ST8SIA4: variants seen among roughly 807,000 people sequenced by gnomAD.
ST8SIA4 encodes the protein CMP-N-acetylneuraminate-poly-alpha-2,8-sialyltransferase.
Under a neutral mutation model 33.9 loss-of-function variants are expected in ST8SIA4, and 15 were observed. That is an observed-to-expected ratio of 0.44 (90% CI 0.30 to 0.68). The LOEUF (loss-of-function observed/expected upper bound fraction) is 0.68, where lower values mean the gene tolerates loss of function less well. Among genes scored for constraint, ST8SIA4 ranks in the 30% least tolerant of loss-of-function variants. ST8SIA4 has a pLI of 0.10. For synonymous variants in ST8SIA4, 171 were observed against 151.2 expected, an observed-to-expected ratio of 1.13 and a Z score of -0.96; for missense variants, 321 against 428.0, an observed-to-expected ratio of 0.75 and a Z score of 2.21.
intron 3 of ST8SIA4, among the ~76,000 whole-genome samples, chr5:100,863,920 G>A (rs958531703): frequency 6.6e-6 from 1 of 152,178 alleles, no homozygotes; most frequent in Non-Finnish European, 1.5e-5. Flanking sequence ...CAACAGAAAA[G>A]AATCTGTAAA....
chr5:100,834,692 C>G (rs190230168), intron 4 of ST8SIA4, among the ~76,000 whole-genome samples: 1 of 151,972 alleles, frequency 6.6e-6, no homozygotes, highest in African/African-American at 2.4e-5. Flanking sequence ...GCTGTCCTTG[C>G]GATAGTGAGT....
chr5:100,856,143 T>G lies in ST8SIA4; in HGVS notation c.757A>C (p.Thr253Pro). 6.2e-7 allele frequency: 1 copy of G among 1,614,056 alleles called. No homozygotes were observed. Among genetic ancestry groups the G allele is most frequent in the South Asian group, 1.1e-5 (1 of 91,076 alleles). ...LILKNKLKVR[T>P]AYPSLRLIHA... is the part of the protein sequence containing the mutation. Reference sequence around the variant, plus strand: ...ATAAGTCTCAATGACGGATAGGCAGTTCGCACTTTCAGTTTATTCTTAAGG... The same window carrying G: ...ATAAGTCTCAATGACGGATAGGCAGGTCGCACTTTCAGTTTATTCTTAAGG... The change falls in exon 4 of 5, where the codon ACT becomes CCT. Residue 253 changes from threonine (T) to proline (P), a missense_variant. By Grantham distance (38) the Thr-to-Pro change is conservative. Transcript: ENST00000231461.
At chr5:100,894,611 T>C (rs1035552756) in intron 2 of ST8SIA4, among the ~76,000 whole-genome samples, 1 of 152,086 alleles carries the variant, frequency 6.6e-6, no homozygotes, top group Non-Finnish European at 1.5e-5. Context: ...TTCGTTCAAG[T>C]AAATTTCAAC....
intron 4 of ST8SIA4, among the ~76,000 whole-genome samples, chr5:100,850,003 T>TA (rs1410844481): frequency 7.2e-5 from 11 of 152,182 alleles, no homozygotes; most frequent in Non-Finnish European, 2.9e-5. Context: ...TATACAGGTA[T>TA]CTTATGTATT....
At position 100,811,878 on chromosome 5, in the gene ST8SIA4, T is replaced by G. The variant is rs1045279338; in HGVS notation, c.1049A>C (p.Lys350Thr). Reference sequence around the variant, plus strand: ...CTTTACACACTTTCCTGTTGTCAGTTTTAGAGCTCCTCTATTATGTAGCAC... The same window carrying G: ...CTTTACACACTTTCCTGTTGTCAGTGTTAGAGCTCCTCTATTATGTAGCAC... The part of the protein sequence containing the change: ...LNVLHNRGAL[K>T]LTTGKCVKQ Residue 350 changes from lysine (K) to threonine (T), a missense_variant, in exon 5 of 5, where the codon AAA becomes ACA. Transcript: ENST00000231461. 4 of 1,613,634 alleles carry G rather than the reference T, an allele frequency of 2.5e-6. No individual in the cohort carries two copies. Among genetic ancestry groups the G allele is most frequent in the Non-Finnish European group, 3.4e-6 (4 of 1,179,830 alleles).
chr5:100,814,724 G>C (rs1750878294), intron 4 of ST8SIA4, among the ~76,000 whole-genome samples: 1 of 151,902 alleles, frequency 6.6e-6, no homozygotes, highest in Non-Finnish European at 1.5e-5. Flanking sequence ...GTTTGAAATT[G>C]TATAGGCCAA....
chr5:100,896,922 T>C (rs1355755439), intron 1 of ST8SIA4, among the ~76,000 whole-genome samples: 1 of 152,174 alleles, frequency 6.6e-6, no homozygotes, highest in African/African-American at 2.4e-5. Context: ...CTGGGCATGT[T>C]TGTGATTCTA....
chr5:100,867,305 T>C (rs1752087979), intron 3 of ST8SIA4, among the ~76,000 whole-genome samples: 1 of 152,102 alleles, frequency 6.6e-6, no homozygotes. Flanking sequence ...TCTCAAGATG[T>C]ATGTATCCTG....
intron 4 of ST8SIA4, among the ~76,000 whole-genome samples, chr5:100,846,461 AC>A (rs1419697577): frequency 6.6e-6 from 1 of 151,996 alleles, no homozygotes; most frequent in Non-Finnish European, 1.5e-5. Flanking sequence ...AAATAAACCT[AC>A]AGAGTTGAAA....
chr5:100,855,252 T>C (rs574654035), intron 4 of ST8SIA4, among the ~76,000 whole-genome samples: 17 of 152,324 alleles, frequency 1.1e-4, no homozygotes, highest in African/African-American at 4.1e-4. Context: ...GTTCAAATGT[T>C]TGGTCCACTT....
chr5:100,903,038 C>A lies in ST8SIA4; in HGVS notation c.-83G>T, dbSNP rs573185270. The A allele has an allele frequency of 5.1e-6, 5 of 984,024 alleles. No homozygotes were observed. In the South Asian group the frequency reaches 5.3e-5, roughly 10 times the overall value. 61.0% of individuals were successfully genotyped at this position (984,024 alleles called of 1,614,324 possible). On this transcript the variant is annotated 5_prime_UTR_variant, in exon 1 of 5. Coordinates refer to ENST00000231461, the MANE Select transcript of ST8SIA4 (RefSeq NM_005668.6). ...AGGCTCCGTTTTGGGGAGATAGTCG[C>A]GGGGGTGAAATCTGTAAAATGCGAG...
At position 100,871,204 on chromosome 5, in the gene ST8SIA4, G is replaced by A. The variant is rs964185692; in HGVS notation, c.504-14808C>T. ...CAGAAAAGTCTATTTTGTCATAAAA[G>A]AGTTAGCATTCAAGGAGGTCAAGAA... On this transcript the variant is annotated intron_variant, in intron 3 of 4. Coordinates refer to ENST00000231461, the MANE Select transcript of ST8SIA4 (RefSeq NM_005668.6). Among the ~76,000 whole-genome samples the A allele has an allele frequency of 3.3e-5, 5 of 152,054 alleles. No individual in the cohort carries two copies. The South Asian group carries it at 8.3e-4, about 25-fold the overall frequency.
At chr5:100,888,648 G>A (rs773270843) in intron 2 of ST8SIA4, among the ~76,000 whole-genome samples, 1 of 151,848 alleles carries the variant, frequency 6.6e-6, no homozygotes, top group Non-Finnish European at 1.5e-5. Context: ...TTATTAGTGA[G>A]AGCAGAATAT....
intron 3 of ST8SIA4, among the ~76,000 whole-genome samples, chr5:100,864,640 G>A (rs1254014121): frequency 2.0e-5 from 3 of 149,454 alleles, no homozygotes; most frequent in East Asian, 2.0e-4. Flanking sequence ...CAAACTTCAG[G>A]TTCTACTAAT....
chr5:100,816,587 A>G, intron 4 of ST8SIA4: 1 of 502,988 alleles, frequency 2.0e-6, no homozygotes, highest in Non-Finnish European at 4.0e-6. Flanking sequence ...TTTCTCTTAA[A>G]ATGTTATTCT....
At chr5:100,874,245 A>G (rs1161791193) in intron 3 of ST8SIA4, among the ~76,000 whole-genome samples, 3 of 152,162 alleles carry the variant, frequency 2.0e-5, no homozygotes, top group Non-Finnish European at 4.4e-5. Flanking sequence ...GTGGGGGTAC[A>G]CTTGAGGCAA....
intron 4 of ST8SIA4, among the ~76,000 whole-genome samples, chr5:100,821,460 T>C (rs529868992): frequency 1.3e-5 from 2 of 152,282 alleles, no homozygotes; most frequent in African/African-American, 2.4e-5. Flanking sequence ...AATTTTACTA[T>C]GACAATAAAA....
chr5:100,827,059 G>T (rs143412878), intron 4 of ST8SIA4, among the ~76,000 whole-genome samples: 1 of 151,640 alleles, frequency 6.6e-6, no homozygotes, highest in Admixed American at 6.6e-5. Context: ...GGTGATACAC[G>T]TTAATTCCTT....
chr5:100,816,438 T>G, intron 4 of ST8SIA4: 1 of 510,466 alleles, frequency 2.0e-6, no homozygotes, highest in Non-Finnish European at 3.9e-6. Flanking sequence ...CAAGGAATAT[T>G]GGTTTGTGTT....
Sources: allele counts gnomAD v4.1 joint callset (sites outside exome capture counted in the v4.1 genomes callset), GRCh38; gene constraint gnomAD v4.1.1; transcripts MANE v1.5; gene names NCBI Gene and HGNC (gene_info 2026-07-23, HGNC 2026-07-21).